MDGA2: variants seen among roughly 807,000 people sequenced by gnomAD.
MDGA2 encodes the protein MAM domain-containing glycosylphosphatidylinositol anchor protein 2.
Under a neutral mutation model 117.8 loss-of-function variants are expected in MDGA2, and 40 were observed. The ratio of observed to expected loss-of-function variants is 0.34; its 90% CI spans 0.26 to 0.44. The LOEUF (loss-of-function observed/expected upper bound fraction) is 0.44, where lower values mean the gene tolerates loss of function less well. MDGA2 is among the 20% of genes least tolerant of loss of function. The pLI is 1.00. For synonymous variants in MDGA2, 452 were observed against 439.0 expected (o/e 1.03, Z -0.37); for missense variants, 1,123 against 1,250.6 (o/e 0.90, Z 1.54).
At chr14:47,234,721 G>A (rs1480034077) in intron 2 of MDGA2, among the ~76,000 whole-genome samples, 1 of 152,008 alleles carries the variant, frequency 6.6e-6, no homozygotes, top group Non-Finnish European at 1.5e-5. Context: ...ATTATTTTAG[G>A]TAACAGTCTC....
chr14:47,416,806 G>A (rs1402922355), intron 1 of MDGA2, among the ~76,000 whole-genome samples: 1 of 152,152 alleles, frequency 6.6e-6, no homozygotes, highest in Non-Finnish European at 1.5e-5. Flanking sequence ...CAAAATCTGA[G>A]GTGGCTAAAG....
intron 1 of MDGA2, among the ~76,000 whole-genome samples, chr14:47,665,017 G>A (rs996065302): frequency 6.6e-6 from 1 of 152,120 alleles, no homozygotes; most frequent in African/African-American, 2.4e-5. Flanking sequence ...CAGGTTAAAG[G>A]ACAGATACAT....
At chr14:47,122,347 A>G (rs1881695883) in intron 5 of MDGA2, among the ~76,000 whole-genome samples, 1 of 151,988 alleles carries the variant, frequency 6.6e-6, no homozygotes, top group Non-Finnish European at 1.5e-5. Context: ...TGACATTAAG[A>G]CTTGAATCTT....
At chr14:46,873,184 A>C (rs773934999) in intron 14 of MDGA2, 3 of 378,132 alleles carry the variant, frequency 7.9e-6, no homozygotes, top group Non-Finnish European at 1.4e-5. Context: ...AATTTAACTC[A>C]TTGATTGTCT....
chr14:46,960,135 C>T (rs527321969), intron 8 of MDGA2, among the ~76,000 whole-genome samples: 5 of 152,084 alleles, frequency 3.3e-5, no homozygotes, highest in Middle Eastern at 3.4e-3. Context: ...GCAGGGGAAT[C>T]GCTTGAACCC....
intron 1 of MDGA2, among the ~76,000 whole-genome samples, chr14:47,505,560 C>A (rs1443428652): frequency 6.6e-6 from 1 of 152,002 alleles, no homozygotes; most frequent in Non-Finnish European, 1.5e-5. Context: ...AGAAATGAAC[C>A]AATTAATGTA....
intron 1 of MDGA2, among the ~76,000 whole-genome samples, chr14:47,565,945 T>C (rs1895910434): frequency 6.6e-6 from 1 of 152,190 alleles, no homozygotes; most frequent in Non-Finnish European, 1.5e-5. Flanking sequence ...GTGGGGGTGG[T>C]GTTGCTGGTG....
At chr14:47,301,016 C>T (rs1889260354) in intron 2 of MDGA2, among the ~76,000 whole-genome samples, 1 of 152,012 alleles carries the variant, frequency 6.6e-6, no homozygotes, top group African/African-American at 2.4e-5. Context: ...GAACAAATAC[C>T]TCTCGGTTGC....
intron 1 of MDGA2, among the ~76,000 whole-genome samples, chr14:47,340,087 G>C (rs950041941): frequency 1.3e-5 from 2 of 152,094 alleles, no homozygotes; most frequent in Admixed American, 1.3e-4. Flanking sequence ...GAAGAAGAAA[G>C]GAAAAATAGC....
intron 1 of MDGA2, among the ~76,000 whole-genome samples, chr14:47,599,057 T>G (rs140042119): frequency 1.3e-5 from 2 of 152,050 alleles, no homozygotes; most frequent in Non-Finnish European, 2.9e-5. Flanking sequence ...ACAACCACCA[T>G]ATGTCATTCT....
intron 8 of MDGA2, among the ~76,000 whole-genome samples, chr14:47,033,678 G>T (rs566510184): frequency 6.6e-6 from 1 of 152,202 alleles, no homozygotes; most frequent in African/African-American, 2.4e-5. Context: ...CTTATTTGGA[G>T]AAAAAACTCA....
chr14:47,443,051 G>T (rs1295900473), intron 1 of MDGA2, among the ~76,000 whole-genome samples: 1 of 152,056 alleles, frequency 6.6e-6, no homozygotes, highest in East Asian at 1.9e-4. Flanking sequence ...AAATAGTGAC[G>T]CTAGCAATTA....
intron 1 of MDGA2, among the ~76,000 whole-genome samples, chr14:47,318,484 T>C (rs1042488859): frequency 3.9e-5 from 6 of 152,094 alleles, no homozygotes; most frequent in African/African-American, 1.4e-4. Context: ...ACAAATCCAA[T>C]CATTCATTTA....
chr14:47,656,726 A>G (rs1178490228), intron 1 of MDGA2, among the ~76,000 whole-genome samples: 2 of 152,160 alleles, frequency 1.3e-5, no homozygotes, highest in Non-Finnish European at 2.9e-5. Context: ...GAGAGCATCC[A>G]CCACAAAAGA....
intron 1 of MDGA2, among the ~76,000 whole-genome samples, chr14:47,654,560 G>T (rs1897707933): frequency 6.6e-6 from 1 of 152,062 alleles, no homozygotes; most frequent in South Asian, 2.1e-4. Context: ...AGTAGAATCA[G>T]TAGAATAACT....
chr14:46,904,405 A>C, intron 10 of MDGA2, among the ~76,000 whole-genome samples: 1 of 144,990 alleles, frequency 6.9e-6, no homozygotes, highest in South Asian at 2.1e-4. Context: ...TTGATTAAGA[A>C]ATTATAATTC....
At chr14:47,388,488 C>G (rs1891810530) in intron 1 of MDGA2, among the ~76,000 whole-genome samples, 1 of 152,130 alleles carries the variant, frequency 6.6e-6, no homozygotes, top group Non-Finnish European at 1.5e-5. Context: ...AATGCTGTGT[C>G]TTCTGCCTAC....
At chr14:47,224,931 T>C (rs909971469) in intron 2 of MDGA2, among the ~76,000 whole-genome samples, 15 of 152,238 alleles carry the variant, frequency 9.9e-5, no homozygotes, top group African/African-American at 3.6e-4. Flanking sequence ...GAATTCTGAA[T>C]GGCACAGAAC....
At chr14:47,263,305 C>A (rs75458965) in intron 2 of MDGA2, among the ~76,000 whole-genome samples, 4,364 of 152,068 alleles carry the variant, frequency 0.029, 149 homozygotes, top group East Asian at 0.18. Flanking sequence ...GTTTCCACCA[C>A]CCCCACCACT....
Sources: gnomAD v4.1 joint callset for allele counts (sites outside exome capture counted in the v4.1 genomes callset) on GRCh38, gnomAD v4.1.1 for gene constraint, MANE v1.5 for transcripts, NCBI Gene and HGNC (gene_info 2026-07-23, HGNC 2026-07-21) for gene names.